Variants in ZFPM2 observed in about 807,000 individuals in gnomAD.
The protein encoded by ZFPM2 is zinc finger protein, FOG family member 2.
In ZFPM2, 20 loss-of-function variants were observed where a neutral mutation model predicts 98.6. The ratio of observed to expected loss-of-function variants is 0.20; its 90% CI spans 0.14 to 0.29. The LOEUF is 0.29. Ranked by LOEUF, ZFPM2 falls within the 10% of genes least tolerant of loss-of-function variation. The pLI is 1.00. For missense variants in ZFPM2, 1,310 were observed against 1,388.6 expected (o/e 0.94, Z 0.90); for synonymous variants, 518 against 502.7 (o/e 1.03, Z -0.41).
At position 105,398,106 on chromosome 8, in the gene ZFPM2, G is replaced by A. The variant is rs188916074; in HGVS notation, c.41-21038G>A. Among the ~76,000 whole-genome samples the A allele has an allele frequency of 6.6e-5, 10 of 152,274 alleles. No homozygotes were observed. The East Asian group carries it at 1.7e-3, about 26-fold the overall frequency. ...ACTCAGCAAAAGTATAGGATGTAAA[G>A]TCTACGCAAAGGAGCTCATAAACTT... On this transcript the variant is annotated intron_variant, in intron 1 of 7. Transcript: ENST00000407775.
chr8:105,469,758 C>T lies in ZFPM2; in HGVS notation c.301+25377C>T, dbSNP rs546514198. ...TTACCTGTGTTAACTCATTTAGTCT[C>T]ATAGAACACTATGATGGGATTCTGT... On this transcript the variant is annotated intron_variant, in intron 3 of 7. Coordinates refer to ENST00000407775, the MANE Select transcript of ZFPM2 (RefSeq NM_012082.4). Among the ~76,000 whole-genome samples, 24 of 152,304 alleles carry T rather than the reference C, an allele frequency of 1.6e-4. 1 individual carries two copies. The highest frequency in any genetic ancestry group is 1.2e-3 in the East Asian group (6 of 5,190).
chr8:105,395,689 A>T (rs1811205114), intron 1 of ZFPM2, among the ~76,000 whole-genome samples: 1 of 152,240 alleles, frequency 6.6e-6, no homozygotes, highest in Non-Finnish European at 1.5e-5. Context: ...ACATATTTTG[A>T]ACACTTAAAG....
chr8:105,347,085 A>G (rs573144185), intron 1 of ZFPM2, among the ~76,000 whole-genome samples: 1 of 152,308 alleles, frequency 6.6e-6, no homozygotes, highest in South Asian at 2.1e-4. Flanking sequence ...TATTTGAGAA[A>G]GTATATTATT....
chr8:105,751,377 A>G (rs1371009283), intron 5 of ZFPM2, among the ~76,000 whole-genome samples: 2 of 152,100 alleles, frequency 1.3e-5, no homozygotes, highest in Non-Finnish European at 2.9e-5. Context: ...GCAGTGGCAA[A>G]CTTGAAGTCA....
At chr8:105,380,017 G>T (rs1295036596) in intron 1 of ZFPM2, among the ~76,000 whole-genome samples, 6 of 152,100 alleles carry the variant, frequency 3.9e-5, no homozygotes, top group Non-Finnish European at 8.8e-5. Context: ...ATGACAAAAT[G>T]CTCCGTTATA....
In ZFPM2 at chr8:105,342,499, G is replaced by A. The variant is rs114319124; in HGVS notation, c.40+23518G>A. On this transcript the variant is annotated intron_variant, in intron 1 of 7. Transcript: ENST00000407775. ...TCAAGAGGAATGTGTGAGACATTCG[G>A]ATGCTCACTAACATTAATGGGACAT... 3.3e-3 allele frequency among the ~76,000 whole-genome samples: 499 copies of A among 152,052 alleles called. 1 individual carries two copies. The highest frequency in any genetic ancestry group is 0.011 in the African/African-American group (469 of 41,508).
intron 5 of ZFPM2, among the ~76,000 whole-genome samples, chr8:105,754,189 T>C (rs1348547957): frequency 6.6e-6 from 1 of 152,130 alleles, no homozygotes; most frequent in Non-Finnish European, 1.5e-5. Flanking sequence ...GTCCAAAAGC[T>C]AGACTGGAAA....
chr8:105,653,755 G>C (rs1248002480), intron 5 of ZFPM2, among the ~76,000 whole-genome samples: 1 of 151,240 alleles, frequency 6.6e-6, no homozygotes, highest in Middle Eastern at 3.5e-3. Flanking sequence ...CATGTTAGAG[G>C]CAAATAGAAA....
chr8:105,361,954 A>T (rs1248292857), intron 1 of ZFPM2, among the ~76,000 whole-genome samples: 1 of 152,158 alleles, frequency 6.6e-6, no homozygotes, highest in Non-Finnish European at 1.5e-5. Flanking sequence ...AGGCTGTAAC[A>T]TGCAGCCTGG....
At chr8:105,786,116 G>A (rs1470838498) in intron 5 of ZFPM2, among the ~76,000 whole-genome samples, 1 of 151,310 alleles carries the variant, frequency 6.6e-6, no homozygotes, top group African/African-American at 2.4e-5. Flanking sequence ...CTACTCACTG[G>A]GGTGACTTTT....
chr8:105,743,826 A>T (rs1290158223), intron 5 of ZFPM2, among the ~76,000 whole-genome samples: 1 of 152,090 alleles, frequency 6.6e-6, no homozygotes, highest in Non-Finnish European at 1.5e-5. Flanking sequence ...TATTTAATGC[A>T]TGCACTCTAC....
chr8:105,702,359 T>G (rs2130959045), intron 5 of ZFPM2, among the ~76,000 whole-genome samples: 1 of 152,350 alleles, frequency 6.6e-6, no homozygotes, highest in South Asian at 2.1e-4. Context: ...GAGATTTATC[T>G]TGGGCATCAA....
intron 5 of ZFPM2, among the ~76,000 whole-genome samples, chr8:105,755,180 A>C (rs1347887419): frequency 3.3e-5 from 5 of 152,156 alleles, no homozygotes; most frequent in Non-Finnish European, 7.3e-5. Flanking sequence ...CATTGGAAAG[A>C]CTTCATAATG....
At chr8:105,799,009 T>C in intron 7 of ZFPM2, 61 bp downstream of exon 7, 9 of 1,386,162 alleles carry the variant, frequency 6.5e-6, no homozygotes, top group Non-Finnish European at 9.1e-6. Context: ...TATAAATATA[T>C]ATGCATTACA....
intron 7 of ZFPM2, 79 bp from the exon 8 acceptor site, chr8:105,800,968 A>G: frequency 7.7e-7 from 1 of 1,304,400 alleles, no homozygotes; most frequent in Non-Finnish European, 1.1e-6. Flanking sequence ...TGCAAACATT[A>G]GGTCATTAGA....
At chr8:105,619,836 C>T (rs1816497434) in intron 4 of ZFPM2, among the ~76,000 whole-genome samples, 1 of 152,096 alleles carries the variant, frequency 6.6e-6, no homozygotes, top group East Asian at 1.9e-4. Flanking sequence ...CCAGCTTCAT[C>T]CATGTCCCTA....
chr8:105,330,618 A>G (rs1812210411), intron 1 of ZFPM2, among the ~76,000 whole-genome samples: 1 of 60,602 alleles, frequency 1.7e-5, no homozygotes, highest in African/African-American at 9.5e-5. Context: ...ATACACATAT[A>G]TATATATATA....
intron 5 of ZFPM2, among the ~76,000 whole-genome samples, chr8:105,729,333 G>T (rs769801845): frequency 6.6e-6 from 1 of 151,312 alleles, no homozygotes; most frequent in African/African-American, 2.4e-5. Flanking sequence ...AAAGCACTCA[G>T]GTTTTTAAAT....
chr8:105,526,933 G>C (rs1472840534), intron 3 of ZFPM2, among the ~76,000 whole-genome samples: 1 of 152,066 alleles, frequency 6.6e-6, no homozygotes, highest in Non-Finnish European at 1.5e-5. Flanking sequence ...TTTACCATCT[G>C]TGAGACCTTG....
Sources: allele counts gnomAD v4.1 joint callset (sites outside exome capture counted in the v4.1 genomes callset), GRCh38; gene constraint gnomAD v4.1.1; transcripts MANE v1.5; gene names NCBI Gene and HGNC (gene_info 2026-07-23, HGNC 2026-07-21).